The following ZNF208 variants were observed in gnomAD, a reference collection of about 807,000 sequenced individuals.
ZNF208 encodes the protein zinc finger protein 208, also known as zinc finger protein 95.
In ZNF208, 10 loss-of-function variants were observed where a neutral mutation model predicts 12.1. That is an observed-to-expected ratio of 0.83 (90% CI 0.51 to 1.40). The LOEUF is 1.40. Among genes scored for constraint, ZNF208 ranks in the 40% most tolerant of loss-of-function variants. The pLI, the probability that ZNF208 is intolerant of heterozygous loss-of-function variation, is 0.00. For synonymous variants in ZNF208, 497 were observed against 488.4 expected, an observed-to-expected ratio of 1.02 and a Z score of -0.23; for missense variants, 1,652 against 1,485.0, an observed-to-expected ratio of 1.11 and a Z score of -1.85.
chr19:21,993,097 A>C (rs370911710), intron 1 of ZNF208, among the ~76,000 whole-genome samples: 2 of 152,218 alleles, frequency 1.3e-5, no homozygotes, highest in African/African-American at 4.8e-5. Flanking sequence ...AAGGACCAAG[A>C]CAGAAAAACT....
chr19:21,985,587 G>A (rs1282283500), intron 3 of ZNF208, among the ~76,000 whole-genome samples: 1 of 152,150 alleles, frequency 6.6e-6, no homozygotes, highest in African/African-American at 2.4e-5. Context: ...TTGGTCCCAC[G>A]GAGAATTTTG....
chr19:21,954,174 T>C (rs1202527099), intron 4 of ZNF208, among the ~76,000 whole-genome samples: 1 of 152,240 alleles, frequency 6.6e-6, no homozygotes, highest in African/African-American at 2.4e-5. Context: ...TGAGTTCTAA[T>C]TTGATTGCAC....
Position 21,950,491 on chromosome 19 carries a change from CT to C in ZNF208, c.306-17255del, listed in dbSNP as rs59845229. Among the ~76,000 whole-genome samples, 1,248 of 137,744 alleles carry C rather than the reference CT, an allele frequency of 9.1e-3. 5 individuals are homozygous for C. The highest frequency in any genetic ancestry group is 0.027 in the African/African-American group (1,007 of 37,006). 90.4% of individuals were successfully genotyped at this position (137,744 alleles called of 152,430 possible). A position where few individuals can be genotyped will look rare whatever the true frequency, so the allele number is the denominator to read the frequency against. ...TGGAAACTATATGCCTAGCCCTGTT[CT>C]TTTTTTTTTTTTTTTATGCAGGACA... On this transcript the variant is annotated intron_variant, in intron 4 of 4. Coordinates refer to the ZNF208 transcript ENST00000599916.
chr19:21,997,279 T>C (rs988261399), intron 1 of ZNF208, among the ~76,000 whole-genome samples: 5 of 152,306 alleles, frequency 3.3e-5, no homozygotes, highest in African/African-American at 1.2e-4. Flanking sequence ...TAAATTCACA[T>C]GGTAGTTGGG....
At chr19:21,985,385 T>C (rs1332386858) in intron 3 of ZNF208, among the ~76,000 whole-genome samples, 4 of 152,188 alleles carry the variant, frequency 2.6e-5, no homozygotes, top group African/African-American at 9.6e-5. Context: ...AAGACCAACC[T>C]GGGTTATGTA....
chr19:21,950,136 T>G (rs1203066004), intron 4 of ZNF208, among the ~76,000 whole-genome samples: 1 of 152,234 alleles, frequency 6.6e-6, no homozygotes, highest in Admixed American at 6.5e-5. Context: ...TAAAGTGTAC[T>G]CAACTTAATG....
rs116858992 is a variant in ZNF208 at position 21,941,104 on chromosome 19, C to A, written c.306-7867G>T. ...TAGCCGTGGTCCCTGTAAACCAGGC[C>A]TTGCTGACAAATGTCAGACGCCAAG... On this transcript the variant is annotated intron_variant, in intron 4 of 4. Coordinates refer to the ZNF208 transcript ENST00000599916. 2.4e-3 allele frequency: 850 copies of A among 358,356 alleles called. 2 individuals carry two copies. The highest frequency in any genetic ancestry group is 3.1e-3 in the Non-Finnish European group (633 of 201,424). The allele number at this position is 358,356 out of a possible 1,614,324, so 22.2% of individuals were successfully genotyped here. A position where few individuals can be genotyped will look rare whatever the true frequency, so the allele number is the denominator to read the frequency against.
chr19:21,963,660 T>C (rs1469529478), downstream of ZNF208, among the ~76,000 whole-genome samples: 1 of 152,048 alleles, frequency 6.6e-6, no homozygotes, highest in Non-Finnish European at 1.5e-5. Context: ...AGTCATACTA[T>C]TTTTTAGCAA....
intron 4 of ZNF208, among the ~76,000 whole-genome samples, chr19:21,957,650 T>C (rs1969997832): frequency 6.6e-6 from 1 of 152,146 alleles, no homozygotes; most frequent in African/African-American, 2.4e-5. Context: ...GGCCCAACTT[T>C]ATAAAGTCTT....
intron 4 of ZNF208, among the ~76,000 whole-genome samples, chr19:21,943,174 A>G (rs928233162): frequency 5.3e-5 from 8 of 152,186 alleles, no homozygotes; most frequent in African/African-American, 1.9e-4. Flanking sequence ...GATACATCAA[A>G]TGAAAAATGG....
At chr19:21,980,045 C>A (rs1308908677) in intron 3 of ZNF208, among the ~76,000 whole-genome samples, 1 of 151,920 alleles carries the variant, frequency 6.6e-6, no homozygotes, top group Non-Finnish European at 1.5e-5. Flanking sequence ...AATATATATG[C>A]ACCCAATACA....
At chr19:21,992,028 T>C (rs2145571789) in intron 1 of ZNF208, among the ~76,000 whole-genome samples, 1 of 151,878 alleles carries the variant, frequency 6.6e-6, no homozygotes, top group South Asian at 2.1e-4. Context: ...TTTTTCTCAG[T>C]TTTTCTGGTT....
At chr19:21,980,598 C>A (rs1394229763) in intron 3 of ZNF208, among the ~76,000 whole-genome samples, 1 of 152,046 alleles carries the variant, frequency 6.6e-6, no homozygotes, top group East Asian at 1.9e-4. Context: ...GCACTAAATG[C>A]CCACAAAAGA....
At chr19:21,950,898 G>T (rs1281762827) in intron 4 of ZNF208, among the ~76,000 whole-genome samples, 1 of 152,170 alleles carries the variant, frequency 6.6e-6, no homozygotes, top group Non-Finnish European at 1.5e-5. Flanking sequence ...TGTTTGTCTA[G>T]ATGGTTATAT....
intron 3 of ZNF208, among the ~76,000 whole-genome samples, chr19:21,985,001 C>G (rs776261323): frequency 7.9e-5 from 12 of 152,102 alleles, no homozygotes; most frequent in Non-Finnish European, 1.6e-4. Flanking sequence ...AAAGGCAATG[C>G]AAATTTCTGT....
chr19:21,960,416 A>G (rs1346715326), intron 4 of ZNF208, among the ~76,000 whole-genome samples: 1 of 152,218 alleles, frequency 6.6e-6, no homozygotes, highest in East Asian at 1.9e-4. Context: ...AAAAAAGTGG[A>G]TTACTCACAA....
At chr19:21,996,464 A>G (rs1249491068) in intron 1 of ZNF208, among the ~76,000 whole-genome samples, 3 of 152,218 alleles carry the variant, frequency 2.0e-5, no homozygotes, top group Non-Finnish European at 2.9e-5. Context: ...ATAGATAAAT[A>G]TATAGCTGAA....
chr19:21,951,571 TA>T (rs760912558), intron 4 of ZNF208, among the ~76,000 whole-genome samples: 6 of 152,210 alleles, frequency 3.9e-5, no homozygotes, highest in Non-Finnish European at 5.9e-5. Context: ...TGGTGTTCCT[TA>T]AAATTAAGCA....
chr19:21,989,160 A>G (rs957873207), intron 1 of ZNF208, among the ~76,000 whole-genome samples: 1 of 151,594 alleles, frequency 6.6e-6, no homozygotes, highest in African/African-American at 2.4e-5. Context: ...ATATGTATAC[A>G]TGTGCCATCC....
Sources: allele counts gnomAD v4.1 joint callset (sites outside exome capture counted in the v4.1 genomes callset), GRCh38; gene constraint gnomAD v4.1.1; transcripts MANE v1.5; gene names NCBI Gene and HGNC (gene_info 2026-07-23, HGNC 2026-07-21).